Variants in INO80D observed in about 807,000 individuals in gnomAD.
INO80D encodes INO80 complex subunit D.
A neutral mutation model predicts 87.6 loss-of-function variants in INO80D; 21 were observed. The ratio of observed to expected loss-of-function variants is 0.24; its 90% CI spans 0.17 to 0.35. INO80D has a LOEUF of 0.35. INO80D is among the 10% of genes least tolerant of loss of function. The pLI is 1.00. For missense variants in INO80D, 982 were observed against 1,280.7 expected, an observed-to-expected ratio of 0.77 and a Z score of 3.56; for synonymous variants, 440 against 491.0, an observed-to-expected ratio of 0.90 and a Z score of 1.37.
Position 206,035,289 on chromosome 2 carries a change from GAC to G in INO80D, c.1074-6956_1074-6955del, listed in dbSNP as rs376345976. Among the ~76,000 whole-genome samples, 507 of 151,900 alleles carry G rather than the reference GAC, an allele frequency of 3.3e-3. 3 individuals carry two copies. The highest frequency in any genetic ancestry group is 5.3e-3 in the Non-Finnish European group (358 of 67,886). The stretch of plus-strand genomic sequence containing the variant: ...AAAGCAGCCCACATAGCCAACACAA[GAC>G]TAAGCAAAAAGAACAAATCTGGAGG... On this transcript the variant is annotated intron_variant, in intron 5 of 10. Coordinates refer to ENST00000403263, the MANE Select transcript of INO80D (RefSeq NM_017759.5).
chr2:206,080,902 CAAAAA>C (rs60198558), intron 1 of INO80D, among the ~76,000 whole-genome samples: 2 of 38,064 alleles, frequency 5.3e-5, no homozygotes, highest in Non-Finnish European at 8.2e-5. Flanking sequence ...GACTCAGTCT[CAAAAA>C]AAAAAAAAAA....
chr2:206,056,255 G>C lies in INO80D; in HGVS notation c.907C>G (p.Leu303Val). The C allele has an allele frequency of 6.2e-7, 1 of 1,612,078 alleles. No homozygotes were observed. The highest frequency in any genetic ancestry group is 8.5e-7 in the Non-Finnish European group (1 of 1,179,170). Residue 303 changes from leucine (L) to valine (V), a missense_variant, in exon 4 of 11, where the codon CTG (leucine) becomes GTG (valine). By Grantham distance (32) the Leu-to-Val change is conservative. Coordinates refer to ENST00000403263, the MANE Select transcript of INO80D (RefSeq NM_017759.5). Reference sequence around the variant, plus strand: ...TGTTTCTGGGTGCACAGTTTCACCAGTCTCTGCAGTCGGCTTATACATGAG... The same window carrying C: ...TGTTTCTGGGTGCACAGTTTCACCACTCTCTGCAGTCGGCTTATACATGAG... Reference protein sequence around the residue: ...HFSCISRLQRLVKLCTQKHQL... With the variant: ...HFSCISRLQRVVKLCTQKHQL...
intron 10 of INO80D, among the ~76,000 whole-genome samples, chr2:206,006,972 G>A (rs564121393): frequency 1.2e-4 from 19 of 152,290 alleles, no homozygotes; most frequent in African/African-American, 2.9e-4. Context: ...GCTTGAACCC[G>A]GAGGCAGAAG....
intron 5 of INO80D, 134 bp downstream of exon 5, chr2:206,046,370 C>T (rs1689193119): frequency 3.2e-6 from 2 of 618,324 alleles, no homozygotes; most frequent in Non-Finnish European, 5.7e-6. Flanking sequence ...AACCCCATCT[C>T]TACTAAAAAT....
Position 206,019,865 on chromosome 2 carries a change from GAATT to G in INO80D, c.1299-24_1299-21del. 1.3e-6 allele frequency: 2 copies of G among 1,584,176 alleles called. No individual in the cohort carries two copies. Among genetic ancestry groups the G allele is most frequent in the Non-Finnish European group, 1.7e-6 (2 of 1,160,190 alleles). On this transcript the variant is annotated intron_variant, in intron 6 of 10. Coordinates refer to ENST00000403263, the MANE Select transcript of INO80D (RefSeq NM_017759.5). ...CTTATGCTAAGGAAAGAAAAACAGAGAATTAATTTTTTTTTAATGCTTTAAGAAT... is the reference window on the plus strand; with the variant it reads ...CTTATGCTAAGGAAAGAAAAACAGAGAATTTTTTTTTAATGCTTTAAGAAT...
In INO80D at chr2:206,028,340, A is replaced by T. The variant is rs1240063594; in HGVS notation, c.1074-5T>A. The stretch of plus-strand genomic sequence containing the variant: ...TCCGCATCATCATCATCTGACCTGG[A>T]AAGTGCAGGGAGAGAAAGGAAAAAC... On this transcript the variant is annotated splice_region_variant and splice_polypyrimidine_tract_variant and intron_variant, in intron 5 of 10. Coordinates refer to ENST00000403263, the MANE Select transcript of INO80D (RefSeq NM_017759.5). 6.3e-7 allele frequency: 1 copy of T among 1,583,000 alleles called. No homozygotes were observed. Among genetic ancestry groups the T allele is most frequent in the Admixed American group, 1.7e-5 (1 of 58,020 alleles).
intron 4 of INO80D, among the ~76,000 whole-genome samples, chr2:206,055,145 T>C (rs1689480072): frequency 6.6e-6 from 1 of 152,250 alleles, no homozygotes; most frequent in South Asian, 2.1e-4. Flanking sequence ...CTTCACGTTC[T>C]ATCTTTGCTC....
Position 206,028,146 on chromosome 2 carries a change from T to C in INO80D, c.1263A>G (p.Ile421Met). Residue 421 changes from isoleucine (I) to methionine (M), a missense_variant, in exon 6 of 11, where the codon ATA (isoleucine) becomes ATG (methionine). Ile to Met is a conservative substitution (Grantham distance 10, BLOSUM62 1). Transcript: ENST00000403263. ...SKEPECTGQL[I>M]QELRRAACSR... ...TGCATGCAGCTCTCCGCAGTTCTTG[T>C]ATTAACTGACCAGTGCATTCTGGTT... The C allele has an allele frequency of 1.9e-6, 3 of 1,563,298 alleles. No individual in the cohort carries two copies. Among genetic ancestry groups the C allele is most frequent in the Non-Finnish European group, 2.6e-6 (3 of 1,153,880 alleles).
At position 206,017,833 on chromosome 2, in the gene INO80D, G is replaced by T; in HGVS notation, c.1409-20C>A. On this transcript the variant is annotated intron_variant, in intron 7 of 10. Transcript: ENST00000403263. ...GGATATCTGGGTTTTTTTAAGTTAG[G>T]AGTAAAATACACTGAAACTCTAATT... 6.3e-7 allele frequency: 1 copy of T among 1,586,172 alleles called. No individual in the cohort carries two copies. Among genetic ancestry groups the T allele is most frequent in the Non-Finnish European group, 8.5e-7 (1 of 1,171,874 alleles).
chr2:206,019,467 G>C (rs1406333284), intron 7 of INO80D, among the ~76,000 whole-genome samples: 2 of 152,068 alleles, frequency 1.3e-5, no homozygotes, highest in African/African-American at 4.8e-5. Context: ...ACCACCTGAG[G>C]GACCAGAATT....
intron 1 of INO80D, among the ~76,000 whole-genome samples, chr2:206,074,953 C>T: frequency 6.9e-6 from 1 of 145,480 alleles, no homozygotes; most frequent in East Asian, 2.0e-4. Context: ...GCAGGAGAAT[C>T]GCTTAAACCC....
At chr2:206,065,081 T>C (rs967722740) in intron 1 of INO80D, among the ~76,000 whole-genome samples, 2 of 152,136 alleles carry the variant, frequency 1.3e-5, no homozygotes, top group African/African-American at 4.8e-5. Context: ...CAACTTAAAA[T>C]GGATCAAAGA....
intron 1 of INO80D, among the ~76,000 whole-genome samples, chr2:206,064,260 C>A (rs1043932631): frequency 6.6e-6 from 1 of 152,164 alleles, no homozygotes; most frequent in Non-Finnish European, 1.5e-5. Flanking sequence ...CCAATCTACA[C>A]GCAAAAGGCC....
chr2:206,027,171 C>T (rs1559440637), intron 6 of INO80D, among the ~76,000 whole-genome samples: 2 of 152,066 alleles, frequency 1.3e-5, no homozygotes, highest in Admixed American at 1.3e-4. Flanking sequence ...CACACACACA[C>T]ACACACAGAG....
chr2:206,015,258 T>G (rs1688286626), intron 8 of INO80D, among the ~76,000 whole-genome samples: 1 of 152,196 alleles, frequency 6.6e-6, no homozygotes, highest in African/African-American at 2.4e-5. Flanking sequence ...AGGAGCTGAA[T>G]GTTAATCCCC....
intron 3 of INO80D, among the ~76,000 whole-genome samples, chr2:206,058,069 T>C (rs925296552): frequency 3.9e-5 from 6 of 152,172 alleles, no homozygotes; most frequent in Non-Finnish European, 8.8e-5. Flanking sequence ...TTTTCGTCTG[T>C]GTGGGCATTG....
intron 4 of INO80D, among the ~76,000 whole-genome samples, chr2:206,051,450 T>TA (rs34748872): frequency 6.6e-6 from 1 of 151,832 alleles, no homozygotes; most frequent in Non-Finnish European, 1.5e-5. Context: ...AATATACATA[T>TA]AAAAAGCTCT....
Position 206,004,138 on chromosome 2 carries a change from C to G in INO80D, c.*230G>C. On this transcript the variant is annotated 3_prime_UTR_variant, in exon 11 of 11. Transcript: ENST00000403263. The surrounding 1 kb of genome is among the most constrained non-coding windows in gnomAD (Gnocchi z 4.9). ...CACTGTGCTGAACCACTAAGGAAAC[C>G]ACTGGGGCGGAGTGGGCCTGCCAGG... The G allele has an allele frequency of 5.2e-6, 3 of 574,336 alleles. No homozygotes were observed. The highest frequency in any genetic ancestry group is 9.3e-6 in the Non-Finnish European group (3 of 321,800). The allele number at this position is 574,336 out of a possible 1,614,324, so 35.6% of individuals were successfully genotyped here.
intron 6 of INO80D, chr2:206,025,821 G>C (rs1575816606): frequency 6.6e-6 from 1 of 151,990 alleles, no homozygotes; most frequent in Admixed American, 6.6e-5. Flanking sequence ...CAGCCTGGGC[G>C]ACAGACTGAG....
Sources: allele counts gnomAD v4.1 joint callset (sites outside exome capture counted in the v4.1 genomes callset), GRCh38; gene constraint gnomAD v4.1.1; non-coding constraint Gnocchi (gnomAD v3.1); transcripts MANE v1.5; gene names NCBI Gene and HGNC (gene_info 2026-07-23, HGNC 2026-07-21).